The following IPO13 variants were observed in gnomAD, a reference collection of about 807,000 sequenced individuals.
The protein encoded by IPO13 is importin-13.
IPO13 carries 28 observed loss-of-function variants against 115.5 expected under a neutral mutation model. The ratio of observed to expected loss-of-function variants is 0.24; its 90% CI spans 0.18 to 0.33. The LOEUF (loss-of-function observed/expected upper bound fraction) is 0.33, where lower values mean the gene tolerates loss of function less well. Ranked by LOEUF, IPO13 falls within the 10% of genes least tolerant of loss-of-function variation. The probability of loss-of-function intolerance (pLI) is 1.00; values close to 1 mark genes in which losing one functional copy is unlikely to be tolerated. For synonymous variants in IPO13, 414 were observed against 478.9 expected (o/e 0.86, Z 1.77); for missense variants, 785 against 1,204.6 (o/e 0.65, Z 5.16).
chr1:43,946,967 C>T lies in IPO13; in HGVS notation c.-634C>T. The T allele has an allele frequency of 2.5e-6, 1 of 397,922 alleles. No homozygotes were observed. The highest frequency in any genetic ancestry group is 4.4e-6 in the Non-Finnish European group (1 of 225,650). 24.6% of individuals were successfully genotyped at this position (397,922 alleles called of 1,614,324 possible). ...CCGGCCTGGCTTGTCTTGTCAGTCACTGGGGCGGAGGCAGCGGCTGTAGCG... is the reference window on the plus strand; with the variant it reads ...CCGGCCTGGCTTGTCTTGTCAGTCATTGGGGCGGAGGCAGCGGCTGTAGCG... On this transcript the variant is annotated 5_prime_UTR_variant, in exon 1 of 20. Coordinates refer to ENST00000372343, the MANE Select transcript of IPO13 (RefSeq NM_014652.4).
In IPO13 at chr1:43,947,609, G is replaced by T; in HGVS notation, c.9G>T (p.Arg3=). ...CCAGGGAGGGAGCAAAGATGGAGCG[G>T]CGGGAGGAGCAGCCGGGGGCTGCAG... is the stretch of plus-strand genomic sequence containing the variant. ME[R]REEQPGAAGA... The change falls in exon 1 of 20, where the codon CGG becomes CGT. Residue 3 remains arginine, a synonymous_variant. Transcript: ENST00000372343. The T allele has an allele frequency of 7.6e-7, 1 of 1,315,658 alleles. No individual in the cohort carries two copies. Among genetic ancestry groups the T allele is most frequent in the Non-Finnish European group, 9.8e-7 (1 of 1,025,168 alleles). The allele number at this position is 1,315,658 out of a possible 1,614,324, so 81.5% of individuals were successfully genotyped here.
At position 43,958,090 on chromosome 1, in the gene IPO13, A is replaced by G. The variant is rs2085263315; in HGVS notation, c.1654A>G (p.Lys552Glu). 1.2e-6 allele frequency: 2 copies of G among 1,614,022 alleles called. No individual in the cohort carries two copies. The highest frequency in any genetic ancestry group is 1.7e-5 in the Admixed American group (1 of 60,014). The change falls in exon 8 of 20, where the codon AAG (lysine) becomes GAG (glutamate). Residue 552 changes from lysine (K) to glutamate (E), a missense_variant. Lys to Glu is a moderately conservative substitution (Grantham distance 56). This residue lies in a region of IPO13 where 175 missense variants were observed against 360.0 expected (regional missense o/e 0.49). Transcript: ENST00000372343. This position sits in a 1 kb window ranked among gnomAD's most constrained non-coding sequence, Gnocchi z 6.3. ...GTCTGTCTCTTCTGTGTCCACCCTC[A>G]AGAAGATCTGCCGAGAGTGCAAGTA... ...ELSVSSVSTLKKICRECKYDL... is the reference protein window; with the variant it reads ...ELSVSSVSTLEKICRECKYDL...
Position 43,967,179 on chromosome 1 carries a change from G to C in IPO13, c.2614-136G>C. The C allele has an allele frequency of 9.0e-7, 1 of 1,113,568 alleles. No homozygotes were observed. Among genetic ancestry groups the C allele is most frequent in the Non-Finnish European group, 1.3e-6 (1 of 748,500 alleles). 69.0% of individuals were successfully genotyped at this position (1,113,568 alleles called of 1,614,324 possible). Reference sequence around the variant, plus strand: ...GTTGTTAGGATTGCTGTGGGGATCAGCTGGCTCTCAAAAAGCAGCGCTCAC... The same window carrying C: ...GTTGTTAGGATTGCTGTGGGGATCACCTGGCTCTCAAAAAGCAGCGCTCAC... On this transcript the variant is annotated intron_variant, in intron 18 of 19. Transcript: ENST00000372343. This position sits in a 1 kb window ranked among gnomAD's most constrained non-coding sequence, Gnocchi z 6.1.
chr1:43,960,229 ACTT>A lies in IPO13; in HGVS notation c.2029-15_2029-13del. 1 of 1,612,456 alleles carries A rather than the reference ACTT, an allele frequency of 6.2e-7. No homozygotes were observed. Among genetic ancestry groups the A allele is most frequent in the South Asian group, 1.1e-5 (1 of 91,042 alleles). ...CAGTGATGGATAGCAGAAGCGCCTC[ACTT>A]CTTCCTGTGCCTTCAGGTGGTGGTG... is the stretch of plus-strand genomic sequence containing the variant. On this transcript the variant is annotated splice_polypyrimidine_tract_variant and intron_variant, in intron 11 of 19. Coordinates refer to ENST00000372343, the MANE Select transcript of IPO13 (RefSeq NM_014652.4).
Position 43,967,738 on chromosome 1 carries a change from T to C in IPO13, c.*56T>C. 2 of 1,506,484 alleles carry C rather than the reference T, an allele frequency of 1.3e-6. No individual in the cohort carries two copies. Among genetic ancestry groups the C allele is most frequent in the Non-Finnish European group, 1.8e-6 (2 of 1,086,016 alleles). The allele number at this position is 1,506,484 out of a possible 1,614,324, so 93.3% of individuals were successfully genotyped here. A position where few individuals can be genotyped will look rare whatever the true frequency, so the allele number is the denominator to read the frequency against. On this transcript the variant is annotated 3_prime_UTR_variant, in exon 20 of 20. Coordinates refer to ENST00000372343, the MANE Select transcript of IPO13 (RefSeq NM_014652.4). The surrounding 1 kb of genome is among the most constrained non-coding windows in gnomAD (Gnocchi z 6.1). The stretch of plus-strand genomic sequence containing the variant: ...TTCATCCTTCCCTATTCCCAAAGAG[T>C]AAACCTGGACCCTCACTGCTGTCTC...
intron 2 of IPO13, chr1:43,953,568 T>G (rs758987545): frequency 6.6e-6 from 1 of 152,238 alleles, no homozygotes; most frequent in African/African-American, 2.4e-5. Context: ...AAAGTCACCT[T>G]CAGTGACTTT....
At chr1:43,950,534 C>T (rs1206472157) in intron 2 of IPO13, among the ~76,000 whole-genome samples, 3 of 152,208 alleles carry the variant, frequency 2.0e-5, no homozygotes, top group Non-Finnish European at 2.9e-5. Context: ...CTCTTGTACC[C>T]TTCATTGTCC....
At chr1:43,951,896 C>A (rs141559112) in intron 2 of IPO13, among the ~76,000 whole-genome samples, 51 of 152,248 alleles carry the variant, frequency 3.3e-4, no homozygotes, top group African/African-American at 1.2e-3. Context: ...CCTAAGGCTC[C>A]GTTTCCTCAT....
intron 2 of IPO13, among the ~76,000 whole-genome samples, chr1:43,955,599 C>T (rs1452322738): frequency 6.6e-6 from 1 of 152,198 alleles, no homozygotes; most frequent in Non-Finnish European, 1.5e-5. Flanking sequence ...CCTCACGTGG[C>T]ATTCTCCCTG....
At chr1:43,963,118 A>G (rs1261422332) in intron 14 of IPO13, among the ~76,000 whole-genome samples, 3 of 152,254 alleles carry the variant, frequency 2.0e-5, no homozygotes, top group Non-Finnish European at 4.4e-5. Flanking sequence ...GTGACTCTTC[A>G]TAGCCTAGAG....
At chr1:43,964,798 A>C (rs1352991764) in intron 15 of IPO13, among the ~76,000 whole-genome samples, 1 of 152,192 alleles carries the variant, frequency 6.6e-6, no homozygotes, top group Non-Finnish European at 1.5e-5. Context: ...GGTGGAGCCC[A>C]GAGTTGGGCT....
chr1:43,960,654 G>A (rs374498614), intron 12 of IPO13, among the ~76,000 whole-genome samples: 4 of 152,288 alleles, frequency 2.6e-5, no homozygotes, highest in African/African-American at 7.2e-5. Flanking sequence ...GATGTAAGTC[G>A]CAGGAGTTAA....
At chr1:43,965,186 G>A (rs1346423348) in intron 15 of IPO13, among the ~76,000 whole-genome samples, 3 of 152,142 alleles carry the variant, frequency 2.0e-5, no homozygotes, top group African/African-American at 7.2e-5. Context: ...GGAGATGCAT[G>A]TTGGGCTGTG....
chr1:43,968,009 A>T lies in IPO13; in HGVS notation c.*327A>T, dbSNP rs1203353493. ...TCAACCCCCCCATCCCCATTAAATT[A>T]ATCCCAACATGCATGTATGCATACA... is the stretch of plus-strand genomic sequence containing the variant. On this transcript the variant is annotated 3_prime_UTR_variant, in exon 20 of 20. Transcript: ENST00000372343. 4 of 438,676 alleles carry T rather than the reference A, an allele frequency of 9.1e-6. No homozygotes were observed. In the East Asian group the frequency reaches 1.7e-4, roughly 18 times the overall value. 27.2% of individuals were successfully genotyped at this position (438,676 alleles called of 1,614,324 possible). A position where few individuals can be genotyped will look rare whatever the true frequency, so the allele number is the denominator to read the frequency against.
At position 43,966,924 on chromosome 1, in the gene IPO13, CT is replaced by C; in HGVS notation, c.2524-5del. The C allele has an allele frequency of 6.2e-7, 1 of 1,613,762 alleles. No individual in the cohort carries two copies. Among genetic ancestry groups the C allele is most frequent in the Non-Finnish European group, 8.5e-7 (1 of 1,179,960 alleles). On this transcript the variant is annotated splice_polypyrimidine_tract_variant and splice_region_variant and intron_variant, in intron 17 of 19. Transcript: ENST00000372343. This position sits in a 1 kb window ranked among gnomAD's most constrained non-coding sequence, Gnocchi z 4.1. ...CTGGGCTGATGGGCCTCTCCATCCT[CT>C]GCAGACAGAGCTGCTGCCTCGGTGT...
chr1:43,960,650 A>T (rs964362501), intron 12 of IPO13, among the ~76,000 whole-genome samples: 3 of 152,186 alleles, frequency 2.0e-5, no homozygotes, highest in Non-Finnish European at 4.4e-5. Context: ...TAGAGATGTA[A>T]GTCGCAGGAG....
In IPO13 at chr1:43,958,273, G is replaced by T. The variant is rs772628587; in HGVS notation, c.1749+5G>T. The T allele has an allele frequency of 6.2e-7, 1 of 1,614,118 alleles. No homozygotes were observed. Among genetic ancestry groups the T allele is most frequent in the Non-Finnish European group, 8.5e-7 (1 of 1,180,022 alleles). ...CTGATGAAACAGATCCACAAGGTGC[G>T]GCTCAAAAGTTTCTAGGGGTCTCCT... On this transcript the variant is annotated splice_donor_5th_base_variant and intron_variant, in intron 9 of 19. Coordinates refer to ENST00000372343, the MANE Select transcript of IPO13 (RefSeq NM_014652.4). This position sits in a 1 kb window ranked among gnomAD's most constrained non-coding sequence, Gnocchi z 6.3.
intron 15 of IPO13, among the ~76,000 whole-genome samples, chr1:43,964,777 G>A (rs1471132670): frequency 6.6e-6 from 1 of 152,218 alleles, no homozygotes; most frequent in Non-Finnish European, 1.5e-5. Flanking sequence ...GGGCTGAAGA[G>A]GAATGTGCGC....
In IPO13 at chr1:43,966,861, G is replaced by A; in HGVS notation, c.2524-69G>A. On this transcript the variant is annotated intron_variant, in intron 17 of 19. Transcript: ENST00000372343. The surrounding 1 kb of genome is among the most constrained non-coding windows in gnomAD (Gnocchi z 4.1). ...CAGGACTTCAGACAGTAGGGCTGGGGTGTACAGGTCTTGTCCTCAGGGAGA... is the reference window on the plus strand; with the variant it reads ...CAGGACTTCAGACAGTAGGGCTGGGATGTACAGGTCTTGTCCTCAGGGAGA... 1.2e-6 allele frequency: 2 copies of A among 1,607,012 alleles called. No individual in the cohort carries two copies. The highest frequency in any genetic ancestry group is 1.7e-6 in the Non-Finnish European group (2 of 1,173,890).
Sources: gnomAD v4.1 joint callset for allele counts (sites outside exome capture counted in the v4.1 genomes callset) on GRCh38, gnomAD v4.1.1 for gene constraint, gnomAD v4.1.1 regional missense constraint, Gnocchi (gnomAD v3.1) non-coding constraint, MANE v1.5 for transcripts, NCBI Gene and HGNC (gene_info 2026-07-23, HGNC 2026-07-21) for gene names.